The following MYO1E variants were observed in gnomAD, a reference collection of about 807,000 sequenced individuals.
MYO1E encodes myosin IE.
In MYO1E, 68 loss-of-function variants were observed where a neutral mutation model predicts 151.1. That is an observed-to-expected ratio of 0.45 (90% CI 0.37 to 0.55). The LOEUF (loss-of-function observed/expected upper bound fraction) is 0.55, where lower values mean the gene tolerates loss of function less well. MYO1E is among the 20% of genes least tolerant of loss of function. The pLI is 0.00. For missense variants in MYO1E, 1,363 were observed against 1,389.3 expected (o/e 0.98, Z 0.30); for synonymous variants, 601 against 501.7 (o/e 1.20, Z -2.64).
At chr15:59,137,861 A>G (rs776271803) in intron 27 of MYO1E, among the ~76,000 whole-genome samples, 43 of 152,224 alleles carry the variant, frequency 2.8e-4, no homozygotes, top group Non-Finnish European at 5.1e-4. Flanking sequence ...GATCAGAATA[A>G]AAGTCAGGAC....
chr15:59,334,477 TA>T (rs11287543), intron 1 of MYO1E, among the ~76,000 whole-genome samples: 111,296 of 145,888 alleles, frequency 0.76, 43,810 homozygotes, highest in Non-Finnish European at 0.88. Context: ...TTGTTTTTCT[TA>T]AAAAAAAAAA....
chr15:59,235,853 C>T (rs12591933), intron 5 of MYO1E, among the ~76,000 whole-genome samples: 145,854 of 152,280 alleles, frequency 0.96, 70,175 homozygotes, highest in East Asian at 1. Flanking sequence ...TGGTAAGATT[C>T]TGGCCAATCT....
At chr15:59,371,227 G>A (rs1044788095) in intron 1 of MYO1E, among the ~76,000 whole-genome samples, 1 of 152,250 alleles carries the variant, frequency 6.6e-6, no homozygotes. Context: ...TTTGTGTGCA[G>A]GTTTCGATGG....
intron 9 of MYO1E, among the ~76,000 whole-genome samples, chr15:59,220,668 T>C (rs1330762124): frequency 6.6e-6 from 1 of 152,034 alleles, no homozygotes; most frequent in Non-Finnish European, 1.5e-5. Context: ...ATGAGAAAGA[T>C]GATAGAAACC....
chr15:59,244,055 A>T (rs2080115585), intron 4 of MYO1E, among the ~76,000 whole-genome samples: 1 of 152,254 alleles, frequency 6.6e-6, no homozygotes, highest in African/African-American at 2.4e-5. Flanking sequence ...GGTATAAAAG[A>T]CAAAAACAAA....
chr15:59,171,705 T>A (rs1282092058), intron 22 of MYO1E, among the ~76,000 whole-genome samples, 192 bp downstream of exon 22: 2 of 152,214 alleles, frequency 1.3e-5, no homozygotes, highest in African/African-American at 4.8e-5. Flanking sequence ...TCTTGGTACC[T>A]TCTTCCTGAC....
At chr15:59,271,145 A>G (rs536369797) in intron 2 of MYO1E, 1 of 152,176 alleles carries the variant, frequency 6.6e-6, no homozygotes, top group Non-Finnish European at 1.5e-5. Flanking sequence ...TAAATACCTG[A>G]TAAGTTGAAC....
chr15:59,218,062 T>C lies in MYO1E; in HGVS notation c.936A>G (p.Leu312=), dbSNP rs1817520940. ...CTTTCAACCGGTCCTGGTTTATCCCTAGCAGATATGCAGGAAAAGCTAAAA... is the reference window on the plus strand; with the variant it reads ...CTTTCAACCGGTCCTGGTTTATCCCCAGCAGATATGCAGGAAAAGCTAAAA... ...EEFLAFPAYL[L]GINQDRLKEK... is the part of the protein sequence containing the mutation. Residue 312 remains leucine, a synonymous_variant, in exon 10 of 28, where the codon CTA becomes CTG. Transcript: ENST00000288235. 6.2e-7 allele frequency: 1 copy of C among 1,614,122 alleles called. No homozygotes were observed. Among genetic ancestry groups the C allele is most frequent in the Admixed American group, 1.7e-5 (1 of 60,016 alleles).
chr15:59,202,020 G>A (rs1451198641), intron 16 of MYO1E, among the ~76,000 whole-genome samples: 1 of 152,154 alleles, frequency 6.6e-6, no homozygotes, highest in Non-Finnish European at 1.5e-5. Context: ...ATATTTCTCT[G>A]ACAGTTTAAC....
chr15:59,216,685 T>TAC lies in MYO1E; in HGVS notation c.1107+1204_1107+1205dup, dbSNP rs1180330982. Among the ~76,000 whole-genome samples, 112 of 38,650 alleles carry TAC rather than the reference T, an allele frequency of 2.9e-3. 1 individual carries two copies. Among genetic ancestry groups the TAC allele is most frequent in the African/African-American group, 4.4e-3 (54 of 12,198 alleles). The allele number at this position is 38,650 out of a possible 152,430, so 25.4% of individuals were successfully genotyped here. A position where few individuals can be genotyped will look rare whatever the true frequency, so the allele number is the denominator to read the frequency against. On this transcript the variant is annotated intron_variant, in intron 10 of 27. Transcript: ENST00000288235. Reference sequence around the variant, plus strand: ...GTATGTGTATATATATATATATATATACACATACACACACACACACACACA... The same window carrying TAC: ...GTATGTGTATATATATATATATATATACACACATACACACACACACACACACA...
At chr15:59,153,913 G>T (rs533440902) in intron 25 of MYO1E, 122 bp from the exon 26 acceptor site, 2 of 915,268 alleles carry the variant, frequency 2.2e-6, no homozygotes, top group Non-Finnish European at 3.4e-6. Flanking sequence ...CTCAATTTCC[G>T]CATTTGAAAA....
Position 59,224,915 on chromosome 15 carries a change from T to C in MYO1E, c.643-92A>G. ...CCTGCAGCCACCATCCCTAAGGACT[T>C]TCTATCTCTGCTTTCTAAAATTACA... On this transcript the variant is annotated intron_variant, in intron 7 of 27. Coordinates refer to ENST00000288235, the MANE Select transcript of MYO1E (RefSeq NM_004998.4). 7 of 1,548,564 alleles carry C rather than the reference T, an allele frequency of 4.5e-6. No individual in the cohort carries two copies. The Admixed American group carries it at 1.0e-4, about 22-fold the overall frequency.
chr15:59,265,857 C>T (rs961063482), intron 2 of MYO1E, among the ~76,000 whole-genome samples: 5 of 148,656 alleles, frequency 3.4e-5, no homozygotes, highest in African/African-American at 7.5e-5. Flanking sequence ...GTCCCAGCTA[C>T]TTGGGAGGCT....
intron 22 of MYO1E, among the ~76,000 whole-genome samples, chr15:59,170,590 A>G (rs963016509): frequency 6.6e-6 from 1 of 151,984 alleles, no homozygotes; most frequent in African/African-American, 2.4e-5. Context: ...AGAGCTTTAA[A>G]AAAAAAACAA....
chr15:59,205,124 C>G (rs1397204296), intron 15 of MYO1E, among the ~76,000 whole-genome samples: 1 of 152,200 alleles, frequency 6.6e-6, no homozygotes, highest in Admixed American at 6.5e-5. Context: ...ATGCTAACCA[C>G]TAAACATCAC....
chr15:59,266,955 C>T (rs1485117743), intron 2 of MYO1E: 4 of 151,730 alleles, frequency 2.6e-5, no homozygotes, highest in Non-Finnish European at 4.4e-5. Flanking sequence ...GCCACCGTGC[C>T]CAGCCTCAAA....
chr15:59,275,328 T>A (rs1420611047), intron 1 of MYO1E, among the ~76,000 whole-genome samples: 2 of 152,146 alleles, frequency 1.3e-5, no homozygotes, highest in African/African-American at 4.8e-5. Context: ...CCAAAGTTAT[T>A]TTTGATTTGA....
intron 17 of MYO1E, 55 bp downstream of exon 17, chr15:59,195,406 T>G: frequency 6.8e-7 from 1 of 1,461,586 alleles, no homozygotes; most frequent in Admixed American, 1.7e-5. Context: ...GGACGGCTCA[T>G]CTTGAGCAGA....
intron 7 of MYO1E, among the ~76,000 whole-genome samples, chr15:59,225,496 C>T (rs2079984443): frequency 1.3e-5 from 2 of 152,260 alleles, no homozygotes; most frequent in South Asian, 2.1e-4. Context: ...TGGCTTTCCT[C>T]CTTATCCTTC....
Sources: gnomAD v4.1 joint callset for allele counts (sites outside exome capture counted in the v4.1 genomes callset) on GRCh38, gnomAD v4.1.1 for gene constraint, MANE v1.5 for transcripts, NCBI Gene and HGNC (gene_info 2026-07-23, HGNC 2026-07-21) for gene names.